DPYSL4: variants seen among roughly 807,000 people sequenced by gnomAD.
DPYSL4 encodes the protein dihydropyrimidinase like 4, also known as dihydropyrimidinase-related protein 4.
In DPYSL4, 43 loss-of-function variants were observed where a neutral mutation model predicts 63.4. That is an observed-to-expected ratio of 0.68 (90% confidence interval 0.53 to 0.88). DPYSL4 has a LOEUF of 0.88. Among genes scored for constraint, DPYSL4 ranks in the 40% least tolerant of loss-of-function variants. The pLI is 0.00. For synonymous variants in DPYSL4, 353 were observed against 331.7 expected (o/e 1.06, Z -0.70); for missense variants, 733 against 819.5 (o/e 0.89, Z 1.29).
At chr10:132,200,727 G>C in intron 9 of DPYSL4, 115 bp from the exon 10 acceptor site, 1 of 1,435,408 alleles carries the variant, frequency 7.0e-7, no homozygotes, top group Middle Eastern at 2.5e-4. Flanking sequence ...TGCCCAGCGA[G>C]AGCCACTCAG....
chr10:132,201,966 GA>G lies in DPYSL4; in HGVS notation c.1133del (p.Asn378MetfsTer6). 1 of 1,613,070 alleles carries G rather than the reference GA, an allele frequency of 6.2e-7. No individual in the cohort carries two copies. The highest frequency in any genetic ancestry group is 8.5e-7 in the Non-Finnish European group (1 of 1,179,812). On this transcript the variant is annotated frameshift_variant, in exon 11 of 14. Transcript: ENST00000338492. LOFTEE classifies it high-confidence loss of function. Reference sequence around the variant, plus strand: ...CCCAGGCCTCTGGGAAGATGGACGAGAATGAGTTCGTCGCGGTGACCAGTAC... The same window carrying G: ...CCCAGGCCTCTGGGAAGATGGACGAGATGAGTTCGTCGCGGTGACCAGTAC... ...KCVASGKMDE[N>X]EFVAVTSTNA... is the part of the protein sequence containing the mutation.
intron 4 of DPYSL4, among the ~76,000 whole-genome samples, chr10:132,195,250 A>C (rs986508730): frequency 1.3e-5 from 2 of 152,208 alleles, no homozygotes; most frequent in Non-Finnish European, 2.9e-5. Context: ...GAAAAGATGC[A>C]GCAGATCCGT....
chr10:132,188,389 G>A (rs1455090707), intron 1 of DPYSL4, among the ~76,000 whole-genome samples: 3 of 152,218 alleles, frequency 2.0e-5, no homozygotes, highest in Admixed American at 2.0e-4. Flanking sequence ...GCCTCCTTCT[G>A]CCCGGTTGCG....
In DPYSL4 at chr10:132,200,631, G is replaced by A. The variant is rs376547604; in HGVS notation, c.968+119G>A. On this transcript the variant is annotated intron_variant, in intron 9 of 13. Transcript: ENST00000338492. Reference sequence around the variant, plus strand: ...CCATAGGGCAGCCCGGACAGTGGCGGGTGGGGAAGTCTGAGCCCTTTGGTC... The same window carrying A: ...CCATAGGGCAGCCCGGACAGTGGCGAGTGGGGAAGTCTGAGCCCTTTGGTC... 2.5e-5 allele frequency: 35 copies of A among 1,427,976 alleles called. 1 individual carries two copies. The South Asian group carries it at 4.4e-4, about 18-fold the overall frequency. The allele number at this position is 1,427,976 out of a possible 1,614,324, so 88.5% of individuals were successfully genotyped here.
chr10:132,194,700 C>G, intron 3 of DPYSL4, 145 bp from the exon 4 acceptor site: 1 of 1,025,036 alleles, frequency 9.8e-7, no homozygotes, highest in South Asian at 1.6e-5. Context: ...GCGTCATCCT[C>G]TCTCAGGGGC....
chr10:132,202,192 G>A (rs553128462), intron 11 of DPYSL4, 76 bp downstream of exon 11: 28 of 1,535,782 alleles, frequency 1.8e-5, no homozygotes, highest in Middle Eastern at 2.2e-4. Flanking sequence ...CAGGAGAGGC[G>A]CAGGACAGAG....
Position 132,200,346 on chromosome 10 carries a change from C to T in DPYSL4, c.812-10C>T, listed in dbSNP as rs756672786. Reference sequence around the variant, plus strand: ...TCGGTGGGGCACCTCTCATGGGCCTCGTGCTGCAGGGGTGGTCGTGTTTGG... The same window carrying T: ...TCGGTGGGGCACCTCTCATGGGCCTTGTGCTGCAGGGGTGGTCGTGTTTGG... On this transcript the variant is annotated splice_polypyrimidine_tract_variant and intron_variant, in intron 8 of 13. Coordinates refer to ENST00000338492, the MANE Select transcript of DPYSL4 (RefSeq NM_006426.3). 5.0e-6 allele frequency: 8 copies of T among 1,612,834 alleles called. No individual in the cohort carries two copies. Among genetic ancestry groups the T allele is most frequent in the Middle Eastern group, 1.7e-4 (1 of 6,054 alleles).
In DPYSL4 at chr10:132,187,000, C is replaced by CCGGGGGGGGGGGGG; in HGVS notation, c.-64_-63insCGGGGGGGGGGGGG. 3 of 11,124 alleles carry CCGGGGGGGGGGGGG rather than the reference C, an allele frequency of 2.7e-4. No individual in the cohort carries two copies. Among genetic ancestry groups the CCGGGGGGGGGGGGG allele is most frequent in the Non-Finnish European group, 1.8e-4 (1 of 5,644 alleles). The allele number at this position is 11,124 out of a possible 1,614,324, so 0.7% of individuals were successfully genotyped here. A position where few individuals can be genotyped will look rare whatever the true frequency, so the allele number is the denominator to read the frequency against. On this transcript the variant is annotated 5_prime_UTR_variant, in exon 1 of 14. Coordinates refer to ENST00000338492, the MANE Select transcript of DPYSL4 (RefSeq NM_006426.3). ...ACGCGTCCCGGCTCACGCGTCCCCC[C>CCGGGGGGGGGGGGG]GCCCGCCCGCCCGCCCGCCCGCCCC...
At chr10:132,188,321 G>A (rs570523483) in intron 1 of DPYSL4, among the ~76,000 whole-genome samples, 29 of 152,296 alleles carry the variant, frequency 1.9e-4, no homozygotes, top group African/African-American at 6.3e-4. Flanking sequence ...GTCTCAGTGC[G>A]GGTGCCTGAA....
rs45482299 is a variant in DPYSL4, at chr10:132,198,995, A to C, written c.811+24A>C. The C allele has an allele frequency of 4.4e-3, 7,075 of 1,596,796 alleles. 35 individuals are homozygous for C. The highest frequency in any genetic ancestry group is 5.5e-3 in the Non-Finnish European group (6,495 of 1,170,376). On this transcript the variant is annotated intron_variant, in intron 8 of 13. Transcript: ENST00000338492. Reference sequence around the variant, plus strand: ...AGGTGAGCACCCAGCCCCGCCTCTGATGCCGAGGGGCCATGGTCTCGGCCT... The same window carrying C: ...AGGTGAGCACCCAGCCCCGCCTCTGCTGCCGAGGGGCCATGGTCTCGGCCT...
At chr10:132,198,272 T>G (rs1240966623) in intron 6 of DPYSL4, 143 bp from the exon 7 acceptor site, 1 of 712,668 alleles carries the variant, frequency 1.4e-6, no homozygotes, top group East Asian at 2.7e-5. Context: ...CCCTCTATTC[T>G]GAGTGTTCTG....
At chr10:132,197,723 A>C (rs1565042881) in intron 6 of DPYSL4, among the ~76,000 whole-genome samples, 1 of 152,220 alleles carries the variant, frequency 6.6e-6, no homozygotes, top group Non-Finnish European at 1.5e-5. Flanking sequence ...ACTTCGTGGG[A>C]CGGGACGGGC....
intron 4 of DPYSL4, among the ~76,000 whole-genome samples, chr10:132,195,839 G>A (rs1313830769): frequency 5.5e-4 from 84 of 152,250 alleles, no homozygotes; most frequent in Admixed American, 5.3e-3. Flanking sequence ...CGGGAGGCCT[G>A]TGGCCTCGTG....
chr10:132,189,271 G>C (rs1717018180), intron 1 of DPYSL4, among the ~76,000 whole-genome samples: 1 of 152,232 alleles, frequency 6.6e-6, no homozygotes, highest in African/African-American at 2.4e-5. Context: ...GCGTTGCCGA[G>C]TCCAGCCCGT....
chr10:132,191,455 A>G (rs4880346), intron 2 of DPYSL4, among the ~76,000 whole-genome samples: 221 of 41,340 alleles, frequency 5.3e-3, no homozygotes, highest in Middle Eastern at 0.042. Flanking sequence ...ATCCAGGCAG[A>G]TGAAAGTATG....
intron 8 of DPYSL4, 97 bp downstream of exon 8, chr10:132,199,068 G>A (rs996144289): frequency 4.6e-5 from 68 of 1,477,988 alleles, no homozygotes; most frequent in Admixed American, 3.1e-4. Flanking sequence ...TCCCTGCATC[G>A]GGGCGGGGCA....
intron 8 of DPYSL4, among the ~76,000 whole-genome samples, chr10:132,199,907 C>T (rs1370184682): frequency 2.0e-5 from 3 of 151,966 alleles, no homozygotes; most frequent in South Asian, 2.1e-4. Context: ...AGGCTCTTCT[C>T]GGGGGGTGCC....
chr10:132,196,960 T>C (rs373291350), intron 5 of DPYSL4, 38 bp downstream of exon 5: 41 of 1,613,300 alleles, frequency 2.5e-5, no homozygotes, highest in Non-Finnish European at 3.1e-5. Flanking sequence ...GGCAGGTATA[T>C]CCCAGGCCGC....
chr10:132,195,311 T>A (rs1194715524), intron 4 of DPYSL4, among the ~76,000 whole-genome samples: 1 of 152,146 alleles, frequency 6.6e-6, no homozygotes, highest in Admixed American at 6.5e-5. Context: ...AGTTCCCCAG[T>A]CTCCTAGCAT....
Sources: allele counts gnomAD v4.1 joint callset (sites outside exome capture counted in the v4.1 genomes callset), GRCh38; gene constraint gnomAD v4.1.1; transcripts MANE v1.5; gene names NCBI Gene and HGNC (gene_info 2026-07-23, HGNC 2026-07-21).